The following UGT1A7 variants were observed in gnomAD, a reference collection of about 807,000 sequenced individuals.
UGT1A7 encodes UDP glucuronosyltransferase family 1 member A7.
UGT1A7 carries 33 observed loss-of-function variants against 45.6 expected under a neutral mutation model. That is an observed-to-expected ratio of 0.72 (90% CI 0.55 to 0.97). UGT1A7 has a LOEUF of 0.97. UGT1A7 is among the 50% of genes least tolerant of loss of function. The pLI is 0.00. For synonymous variants in UGT1A7, 274 were observed against 250.6 expected (o/e 1.09, Z -0.88); for missense variants, 684 against 666.2 (o/e 1.03, Z -0.29).
At chr2:233,709,543 G>T (rs1204039913) in intron 1 of UGT1A7, among the ~76,000 whole-genome samples, 2 of 152,024 alleles carry the variant, frequency 1.3e-5, no homozygotes, top group Non-Finnish European at 2.9e-5. Context: ...TGTGATATAT[G>T]TAAGTACTTA....
At chr2:233,684,576 A>C (rs2074685717) in intron 1 of UGT1A7, among the ~76,000 whole-genome samples, 1 of 152,184 alleles carries the variant, frequency 6.6e-6, no homozygotes, top group South Asian at 2.1e-4. Flanking sequence ...AAAATATGAA[A>C]CATTGAGCCA....
At position 233,769,640 on chromosome 2, in the gene UGT1A7, T is replaced by G; in HGVS notation, c.1295+1201T>G. ...TGAGCAAGGGACAACAGGGGAGGACTGATGACTGACTTCCCACCTTTGAGG... is the reference window on the plus strand; with the variant it reads ...TGAGCAAGGGACAACAGGGGAGGACGGATGACTGACTTCCCACCTTTGAGG... On this transcript the variant is annotated intron_variant, in intron 4 of 4. Coordinates refer to ENST00000373426, the MANE Select transcript of UGT1A7 (RefSeq NM_019077.3). This position sits in a 1 kb window ranked among gnomAD's most constrained non-coding sequence, Gnocchi z 4.4. The G allele has an allele frequency of 6.2e-7, 1 of 1,609,904 alleles. No individual in the cohort carries two copies. Among genetic ancestry groups the G allele is most frequent in the Non-Finnish European group, 8.5e-7 (1 of 1,178,488 alleles).
chr2:233,769,450 T>A lies in UGT1A7; in HGVS notation c.1295+1011T>A. On this transcript the variant is annotated intron_variant, in intron 4 of 4. Coordinates refer to ENST00000373426, the MANE Select transcript of UGT1A7 (RefSeq NM_019077.3). The surrounding 1 kb of genome is among the most constrained non-coding windows in gnomAD (Gnocchi z 4.4). Reference sequence around the variant, plus strand: ...CTGTGCTCATGTGTGGGTGCACACGTGTGCATTCATATGCGTGTGTGTGTG... The same window carrying A: ...CTGTGCTCATGTGTGGGTGCACACGAGTGCATTCATATGCGTGTGTGTGTG... The A allele has an allele frequency of 1.3e-6, 2 of 1,587,838 alleles. No individual in the cohort carries two copies. The highest frequency in any genetic ancestry group is 1.7e-6 in the Non-Finnish European group (2 of 1,158,796).
chr2:233,713,233 C>G, intron 1 of UGT1A7: 1 of 1,614,226 alleles, frequency 6.2e-7, no homozygotes, highest in Non-Finnish European at 8.5e-7. Context: ...ACAACGTATG[C>G]CATTTCATGG....
chr2:233,740,135 G>C (rs1178370483), intron 1 of UGT1A7, among the ~76,000 whole-genome samples: 1 of 151,806 alleles, frequency 6.6e-6, no homozygotes, highest in African/African-American at 2.4e-5. Context: ...TGTCATGATT[G>C]TAAGTTTCCT....
chr2:233,722,629 T>C (rs892720273), intron 1 of UGT1A7, among the ~76,000 whole-genome samples: 4 of 152,210 alleles, frequency 2.6e-5, no homozygotes, highest in African/African-American at 7.2e-5. Flanking sequence ...TAATGAAGCA[T>C]TGAGGGCTCG....
In UGT1A7 at chr2:233,719,134, A is replaced by G. The variant is rs566867363; in HGVS notation, c.855+36342A>G. ...ACTCAAGGGTTCTTTGAAACAGAACATCTTCTGAAGAGATATTCTAGAAGT... is the reference window on the plus strand; with the variant it reads ...ACTCAAGGGTTCTTTGAAACAGAACGTCTTCTGAAGAGATATTCTAGAAGT... On this transcript the variant is annotated intron_variant, in intron 1 of 4. Transcript: ENST00000373426. 20 of 1,614,272 alleles carry G rather than the reference A, an allele frequency of 1.2e-5. No individual in the cohort carries two copies. The East Asian group carries it at 1.8e-4, about 14-fold the overall frequency.
chr2:233,745,152 G>T (rs1403503351), intron 1 of UGT1A7, among the ~76,000 whole-genome samples: 1 of 151,720 alleles, frequency 6.6e-6, no homozygotes, highest in Non-Finnish European at 1.5e-5. Flanking sequence ...GTATATGGAG[G>T]GTCAAATGTG....
intron 1 of UGT1A7, chr2:233,760,670 C>T: frequency 6.2e-7 from 1 of 1,614,098 alleles, no homozygotes; most frequent in Non-Finnish European, 8.5e-7. Context: ...TCTGGCTGTT[C>T]CCACTTACTG....
intron 1 of UGT1A7, chr2:233,718,939 C>A (rs149017068): frequency 2.6e-4 from 420 of 1,614,132 alleles, no homozygotes; most frequent in Non-Finnish European, 3.2e-4. Context: ...GATGGCAGCC[C>A]CTGGCTCAGC....
intron 1 of UGT1A7, among the ~76,000 whole-genome samples, chr2:233,731,521 G>T (rs1358049437): frequency 1.3e-5 from 2 of 152,162 alleles, no homozygotes; most frequent in African/African-American, 2.4e-5. Context: ...ACCTATGAGT[G>T]AGAACATGCG....
At chr2:233,765,331 C>T (rs770638487) in intron 1 of UGT1A7, among the ~76,000 whole-genome samples, 13 of 152,154 alleles carry the variant, frequency 8.5e-5, no homozygotes, top group Admixed American at 2.6e-4. Context: ...GCACTATTCA[C>T]AATAACAAAG....
Position 233,772,306 on chromosome 2 carries a change from G to T in UGT1A7, c.1340G>T (p.Arg447Leu), listed in dbSNP as rs200370335. 9.9e-6 allele frequency: 16 copies of T among 1,614,092 alleles called. No individual in the cohort carries two copies. Among genetic ancestry groups the T allele is most frequent in the South Asian group, 2.2e-5 (2 of 91,084 alleles). ...CGCCTCTCCAGCCTTCACAAGGACC[G>T]CCCGGTGGAGCCGCTGGACCTGGCC... ...IMRLSSLHKD[R>L]PVEPLDLAVF... The change falls in exon 5 of 5, where the codon CGC (arginine) becomes CTC (leucine). Residue 447 changes from arginine (R) to leucine (L), a missense_variant. By Grantham distance (102) the Arg-to-Leu change is moderately radical. Coordinates refer to ENST00000373426, the MANE Select transcript of UGT1A7 (RefSeq NM_019077.3).
At chr2:233,693,944 G>A (rs2075190377) in intron 1 of UGT1A7, 26 of 1,599,102 alleles carry the variant, frequency 1.6e-5, no homozygotes, top group South Asian at 1.6e-4. Context: ...TCCTTGAGCC[G>A]ACTGTCCCTT....
At chr2:233,734,081 A>G (rs1041213735) in intron 1 of UGT1A7, among the ~76,000 whole-genome samples, 23 of 152,124 alleles carry the variant, frequency 1.5e-4, no homozygotes, top group African/African-American at 5.6e-4. Context: ...CATTGTGCAC[A>G]TGCACCCTAA....
At chr2:233,718,625 T>G in intron 1 of UGT1A7, 2 of 913,422 alleles carry the variant, frequency 2.2e-6, no homozygotes, top group Non-Finnish European at 2.6e-6. Context: ...GCGTGATTGG[T>G]CTTTCCCAGG....
chr2:233,743,692 G>C, intron 1 of UGT1A7: 2 of 1,367,218 alleles, frequency 1.5e-6, no homozygotes, highest in Non-Finnish European at 2.0e-6. Context: ...CTGTGCAGCC[G>C]CCCTCCGCCC....
Position 233,682,708 on chromosome 2 carries a change from T to G in UGT1A7, c.771T>G (p.Phe257Leu), listed in dbSNP as rs766002261. Reference sequence around the variant, plus strand: ...CAATTTGGTTGTTGCGAACTGACTTTGTTTTGGAGTATCCCAAACCCGTGA... The same window carrying G: ...CAATTTGGTTGTTGCGAACTGACTTGGTTTTGGAGTATCCCAAACCCGTGA... ...HTSIWLLRTD[F>L]VLEYPKPVMP... The change falls in exon 1 of 5, where the codon TTT becomes TTG. Residue 257 changes from phenylalanine to leucine, a missense_variant. Transcript: ENST00000373426. The G allele has an allele frequency of 1.2e-6, 2 of 1,613,914 alleles. No individual in the cohort carries two copies. Among genetic ancestry groups the G allele is most frequent in the Admixed American group, 3.3e-5 (2 of 60,016 alleles).
At chr2:233,693,691 T>C (rs755873387) in intron 1 of UGT1A7, 25 of 1,614,244 alleles carry the variant, frequency 1.5e-5, no homozygotes, top group Non-Finnish European at 2.0e-5. Flanking sequence ...TTTCAAAGTA[T>C]GAAGAACTCG....
Sources: allele counts gnomAD v4.1 joint callset (sites outside exome capture counted in the v4.1 genomes callset), GRCh38; gene constraint gnomAD v4.1.1; non-coding constraint Gnocchi (gnomAD v3.1); transcripts MANE v1.5; gene names NCBI Gene and HGNC (gene_info 2026-07-23, HGNC 2026-07-21).